Variants in MTERF4 observed in about 807,000 individuals in gnomAD.
The protein encoded by MTERF4 is mitochondrial transcription termination factor 4.
Under a neutral mutation model 22.5 loss-of-function variants are expected in MTERF4, and 17 were observed. The observed-to-expected ratio is 0.75, with a 90% CI of 0.52 to 1.13. MTERF4 has a LOEUF of 1.13. MTERF4 is among the 50% of genes most tolerant of loss of function. The pLI is 0.00. For synonymous variants in MTERF4, 165 were observed against 175.3 expected, an observed-to-expected ratio of 0.94 and a Z score of 0.47; for missense variants, 420 against 466.8, an observed-to-expected ratio of 0.90 and a Z score of 0.92.
chr2:241,048,278 C>A, the MTERF4 span: 1 of 1,559,200 alleles, frequency 6.4e-7, no homozygotes, highest in Non-Finnish European at 8.7e-7. Flanking sequence ...CCCCACATTC[C>A]CTGCGTGGCC....
chr2:241,043,834 T>C, the MTERF4 span, among the ~76,000 whole-genome samples: 1 of 152,218 alleles, frequency 6.6e-6, no homozygotes, highest in African/African-American at 2.4e-5. Flanking sequence ...TGTAAATGAA[T>C]AGGTATGGCT....
chr2:241,049,949 G>T, the MTERF4 span: 15 of 1,598,778 alleles, frequency 9.4e-6, no homozygotes, highest in South Asian at 1.7e-4. Context: ...GCGGGCAGGG[G>T]CGTCCGGGCC....
intron 1 of MTERF4, 148 bp from the exon 2 acceptor site, chr2:241,100,042 T>C: frequency 1.0e-6 from 1 of 974,282 alleles, no homozygotes; most frequent in Non-Finnish European, 1.5e-6. Context: ...TATCTGAACT[T>C]AAGCCTACAG....
In MTERF4 at chr2:241,073,920, G is replaced by C; in HGVS notation, n.2242C>G. 1 of 161,080 alleles carries C rather than the reference G, an allele frequency of 6.2e-6. No individual in the cohort carries two copies. The highest frequency in any genetic ancestry group is 2.4e-5 in the African/African-American group (1 of 41,916). The allele number at this position is 161,080 out of a possible 1,614,324, so 10.0% of individuals were successfully genotyped here. Reference sequence around the variant, plus strand: ...ACCAAGCATCTGCTGAGCACCTGCAGTAAGAGTTCCCAGACGCTCACGAGG... The same window carrying C: ...ACCAAGCATCTGCTGAGCACCTGCACTAAGAGTTCCCAGACGCTCACGAGG... On this transcript the variant is annotated non_coding_transcript_exon_variant, in exon 5 of 5. Coordinates refer to the MTERF4 transcript ENST00000464344. The surrounding 1 kb of genome is among the most constrained non-coding windows in gnomAD (Gnocchi z 6.6).
chr2:241,093,847 A>G (rs191231247), downstream of MTERF4: 1 of 152,592 alleles, frequency 6.6e-6, no homozygotes, highest in East Asian at 1.9e-4. Flanking sequence ...AAGTCCACCC[A>G]AGGAAATTAG....
At chr2:241,081,422 T>C (rs537466108) in intron 4 of MTERF4, among the ~76,000 whole-genome samples, 7 of 152,304 alleles carry the variant, frequency 4.6e-5, no homozygotes, top group South Asian at 2.1e-4. Flanking sequence ...TTGTTTTTGT[T>C]TGTCTTCCTT....
chr2:241,052,547 G>A, the MTERF4 span: 3 of 1,128,694 alleles, frequency 2.7e-6, no homozygotes, highest in East Asian at 2.3e-5. Flanking sequence ...CCCAAGCAGG[G>A]TACATGGGAT....
At chr2:241,084,167 C>T (rs559860720), downstream of MTERF4, among the ~76,000 whole-genome samples, 73 of 142,278 alleles carry the variant, frequency 5.1e-4, no homozygotes, top group Admixed American at 4.8e-4. Context: ...ACAAAGTCTC[C>T]CTCTTGTCCC....
chr2:241,051,510 A>G, the MTERF4 span: 6 of 411,312 alleles, frequency 1.5e-5, no homozygotes, highest in Non-Finnish European at 2.6e-5. This position sits in a 1 kb window ranked among gnomAD's most constrained non-coding sequence, Gnocchi z 4.7. Context: ...AGAAAAGAGG[A>G]CAGGCAAGCA....
At chr2:241,094,376 T>C (rs1020471539), downstream of MTERF4, 2 of 470,886 alleles carry the variant, frequency 4.2e-6, no homozygotes, top group African/African-American at 2.0e-5. The surrounding 1 kb of genome is among the most constrained non-coding windows in gnomAD (Gnocchi z 4.3). Flanking sequence ...ACCGAGCTGC[T>C]TTTCTTTTGC....
chr2:241,087,693 G>A, downstream of MTERF4: 1 of 1,366,934 alleles, frequency 7.3e-7, no homozygotes, highest in Non-Finnish European at 9.4e-7. Flanking sequence ...GGGCATGCTG[G>A]GTGCTGGGGG....
chr2:241,071,558 C>T, downstream of MTERF4: 1 of 1,573,050 alleles, frequency 6.4e-7, no homozygotes, highest in Non-Finnish European at 8.6e-7. Flanking sequence ...CAGCCCCTTC[C>T]TCCTGCCTGC....
downstream of MTERF4, among the ~76,000 whole-genome samples, chr2:241,086,271 C>A (rs962286505): frequency 1.3e-5 from 2 of 152,176 alleles, no homozygotes; most frequent in Non-Finnish European, 2.9e-5. Context: ...TGGGGATTCA[C>A]CCTATGCATG....
chr2:241,085,361 C>T (rs2063525204), downstream of MTERF4, among the ~76,000 whole-genome samples: 1 of 152,196 alleles, frequency 6.6e-6, no homozygotes, highest in Non-Finnish European at 1.5e-5. Flanking sequence ...TCTTCTGCAG[C>T]ATCTACCATT....
rs1443727871 is a variant in MTERF4 at position 241,073,269 on chromosome 2, C to G, written n.2893G>C. The G allele has an allele frequency of 1.3e-6, 2 of 1,556,096 alleles. No homozygotes were observed. Among genetic ancestry groups the G allele is most frequent in the Admixed American group, 1.9e-5 (1 of 51,334 alleles). Reference sequence around the variant, plus strand: ...GTCACCGCCTGGCTTCTCCTAGAACCCACAGCCTCGGCGCAGCTCGAGAAC... The same window carrying G: ...GTCACCGCCTGGCTTCTCCTAGAACGCACAGCCTCGGCGCAGCTCGAGAAC... On this transcript the variant is annotated non_coding_transcript_exon_variant, in exon 5 of 5. Coordinates refer to the MTERF4 transcript ENST00000464344. The surrounding 1 kb of genome is among the most constrained non-coding windows in gnomAD (Gnocchi z 6.6).
downstream of MTERF4, among the ~76,000 whole-genome samples, chr2:241,068,756 C>T (rs1383664455): frequency 2.0e-5 from 3 of 152,144 alleles, no homozygotes; most frequent in Non-Finnish European, 4.4e-5. This position sits in a 1 kb window ranked among gnomAD's most constrained non-coding sequence, Gnocchi z 5.3. Flanking sequence ...GCTCTGAGGG[C>T]CATGAGTCTG....
rs571902103 is a variant in MTERF4 at position 241,073,935 on chromosome 2, C to T, written n.2227G>A. The stretch of plus-strand genomic sequence containing the variant: ...AGCACCTGCAGTAAGAGTTCCCAGA[C>T]GCTCACGAGGCAGTTCCCCTTCGGG... On this transcript the variant is annotated non_coding_transcript_exon_variant, in exon 5 of 5. Coordinates refer to the MTERF4 transcript ENST00000464344. The surrounding 1 kb of genome is among the most constrained non-coding windows in gnomAD (Gnocchi z 6.6). 32 of 158,146 alleles carry T rather than the reference C, an allele frequency of 2.0e-4. No individual in the cohort carries two copies. The highest frequency in any genetic ancestry group is 1.4e-4 in the Non-Finnish European group (10 of 72,018). 9.8% of individuals were successfully genotyped at this position (158,146 alleles called of 1,614,324 possible).
chr2:241,044,749 C>T, the MTERF4 span, among the ~76,000 whole-genome samples: 4 of 152,152 alleles, frequency 2.6e-5, no homozygotes, highest in Non-Finnish European at 5.9e-5. Flanking sequence ...GTTGGAGGTG[C>T]TGTGGTTTCA....
exon 5 of MTERF4, chr2:241,074,145 C>T (rs559232567): frequency 1.3e-5 from 2 of 152,396 alleles, no homozygotes; most frequent in South Asian, 2.1e-4. Flanking sequence ...AGTCCTAGTA[C>T]TTGGTAAAGG....
Sources: gnomAD v4.1 joint callset for allele counts (sites outside exome capture counted in the v4.1 genomes callset) on GRCh38, gnomAD v4.1.1 for gene constraint, Gnocchi (gnomAD v3.1) non-coding constraint, MANE v1.5 for transcripts, NCBI Gene and HGNC (gene_info 2026-07-23, HGNC 2026-07-21) for gene names.